Variants in ZCWPW2 observed in about 807,000 individuals in gnomAD.
ZCWPW2 encodes the protein zinc finger CW-type PWWP domain protein 2.
In ZCWPW2, 45 loss-of-function variants were observed where a neutral mutation model predicts 46.6. The ratio of observed to expected loss-of-function variants is 0.96; its 90% CI spans 0.76 to 1.24. The LOEUF (loss-of-function observed/expected upper bound fraction) is 1.24, where lower values mean the gene tolerates loss of function less well. Among genes scored for constraint, ZCWPW2 ranks in the 50% most tolerant of loss-of-function variants. The probability of loss-of-function intolerance (pLI) is 0.00; values close to 1 mark genes in which losing one functional copy is unlikely to be tolerated. For synonymous variants in ZCWPW2, 152 were observed against 137.1 expected, an observed-to-expected ratio of 1.11 and a Z score of -0.76; for missense variants, 429 against 403.9, an observed-to-expected ratio of 1.06 and a Z score of -0.53.
chr3:28,403,606 A>T (rs1316419069), intron 2 of ZCWPW2, among the ~76,000 whole-genome samples: 1 of 152,186 alleles, frequency 6.6e-6, no homozygotes, highest in East Asian at 1.9e-4. Flanking sequence ...AAGCAAAAAG[A>T]ACAAATCTGG....
chr3:28,375,062 C>A (rs917984704), intron 1 of ZCWPW2, among the ~76,000 whole-genome samples: 1 of 151,660 alleles, frequency 6.6e-6, no homozygotes, highest in African/African-American at 2.4e-5. Context: ...GCTGAATTCA[C>A]GCCTTTATCA....
At chr3:28,463,880 A>G (rs1698729394) in intron 4 of ZCWPW2, among the ~76,000 whole-genome samples, 1 of 151,444 alleles carries the variant, frequency 6.6e-6, no homozygotes, top group Non-Finnish European at 1.5e-5. Flanking sequence ...AAAGGAGGGA[A>G]GGAAGGAAGG....
chr3:28,460,027 T>C (rs1163578578), intron 4 of ZCWPW2, among the ~76,000 whole-genome samples: 1 of 152,132 alleles, frequency 6.6e-6, no homozygotes, highest in Non-Finnish European at 1.5e-5. Context: ...ATTTCCTACC[T>C]CCCCAGCCCT....
At chr3:28,367,351 T>C (rs1469921992) in intron 1 of ZCWPW2, among the ~76,000 whole-genome samples, 4 of 152,234 alleles carry the variant, frequency 2.6e-5, no homozygotes, top group African/African-American at 7.2e-5. Flanking sequence ...TGTGTCTTTG[T>C]TCTCGTTTGT....
At chr3:28,398,728 G>A (rs1695803816) in intron 2 of ZCWPW2, among the ~76,000 whole-genome samples, 1 of 152,184 alleles carries the variant, frequency 6.6e-6, no homozygotes, top group Admixed American at 6.5e-5. Context: ...CTGGAGCTGA[G>A]TCCATTTATA....
At chr3:28,392,699 C>A (rs764398679) in intron 2 of ZCWPW2, among the ~76,000 whole-genome samples, 27 of 151,856 alleles carry the variant, frequency 1.8e-4, no homozygotes, top group Non-Finnish European at 1.3e-4. Context: ...AACAACATGT[C>A]CCTGCACAAC....
chr3:28,433,885 C>T (rs1473797987), intron 3 of ZCWPW2, among the ~76,000 whole-genome samples: 1 of 150,384 alleles, frequency 6.6e-6, no homozygotes, highest in African/African-American at 2.4e-5. Flanking sequence ...ATTAACTTGC[C>T]TCAGTAAGTT....
At chr3:28,449,276 C>T (rs2125778030) in intron 4 of ZCWPW2, among the ~76,000 whole-genome samples, 1 of 152,124 alleles carries the variant, frequency 6.6e-6, no homozygotes, top group East Asian at 1.9e-4. Context: ...ACCTAAAATT[C>T]TAAAGTCTTA....
chr3:28,482,549 T>A (rs183403661), intron 5 of ZCWPW2, among the ~76,000 whole-genome samples: 1 of 152,172 alleles, frequency 6.6e-6, no homozygotes, highest in Non-Finnish European at 1.5e-5. Context: ...TGGTGAGATA[T>A]GTTCAAATTT....
intron 5 of ZCWPW2, 74 bp from the exon 6 acceptor site, chr3:28,492,053 T>G: frequency 7.1e-7 from 1 of 1,406,866 alleles, no homozygotes; most frequent in Non-Finnish European, 9.9e-7. Flanking sequence ...AAAATTCTAA[T>G]TGTGTAATTC....
chr3:28,354,531 T>C (rs1223847155), intron 1 of ZCWPW2, among the ~76,000 whole-genome samples: 15 of 134,894 alleles, frequency 1.1e-4, no homozygotes, highest in Non-Finnish European at 2.0e-4. Context: ...GATACCAAAG[T>C]GTGGCAGAGA....
At chr3:28,360,349 C>CAA (rs71087692) in intron 1 of ZCWPW2, among the ~76,000 whole-genome samples, 139 of 53,904 alleles carry the variant, frequency 2.6e-3, no homozygotes, top group East Asian at 2.7e-3. Flanking sequence ...ACTAAAAATA[C>CAA]AAAAAAAAAA....
At position 28,438,344 on chromosome 3, in the gene ZCWPW2, C is replaced by T. The variant is rs552669964; in HGVS notation, c.492+3075C>T. Among the ~76,000 whole-genome samples, 4 of 152,276 alleles carry T rather than the reference C, an allele frequency of 2.6e-5. 1 individual carries two copies. Among genetic ancestry groups the T allele is most frequent in the East Asian group, 1.9e-4 (1 of 5,182 alleles). ...CCACTTTCATTTTTCCATTTTTCCT[C>T]TTGTGAAAGCCAGACATTAAACATA... On this transcript the variant is annotated intron_variant, in intron 4 of 9. Transcript: ENST00000383768.
intron 4 of ZCWPW2, among the ~76,000 whole-genome samples, chr3:28,464,957 AT>A (rs1559515306): frequency 6.6e-6 from 1 of 152,188 alleles, no homozygotes; most frequent in Non-Finnish European, 1.5e-5. Flanking sequence ...TTAAGCTTGA[AT>A]CCTATTTTGA....
intron 2 of ZCWPW2, among the ~76,000 whole-genome samples, chr3:28,412,233 A>G (rs1696429459): frequency 6.6e-6 from 1 of 151,624 alleles, no homozygotes; most frequent in African/African-American, 2.4e-5. Context: ...ATTTATTACT[A>G]TATACTTTTT....
At chr3:28,457,307 T>C (rs1003037187) in intron 4 of ZCWPW2, among the ~76,000 whole-genome samples, 4 of 152,246 alleles carry the variant, frequency 2.6e-5, no homozygotes, top group Admixed American at 2.6e-4. Context: ...GATTCTATCA[T>C]TAAACATAGA....
chr3:28,413,536 C>T, intron 3 of ZCWPW2, 136 bp downstream of exon 3: 1 of 758,980 alleles, frequency 1.3e-6, no homozygotes, highest in Admixed American at 3.3e-5. Flanking sequence ...TTCCATACTT[C>T]TTTGGATTTT....
intron 3 of ZCWPW2, among the ~76,000 whole-genome samples, chr3:28,428,814 C>A (rs1697126999): frequency 1.3e-5 from 2 of 152,176 alleles, no homozygotes; most frequent in Admixed American, 1.3e-4. Context: ...GCACTATTCT[C>A]ACTTCTCTCT....
Position 28,385,624 on chromosome 3 carries a change from G to A in ZCWPW2, c.-133-4874G>A, listed in dbSNP as rs538895294. Among the ~76,000 whole-genome samples the A allele has an allele frequency of 7.2e-5, 11 of 152,306 alleles. No individual in the cohort carries two copies. The South Asian group carries it at 2.1e-3, about 29-fold the overall frequency. On this transcript the variant is annotated intron_variant, in intron 1 of 9. Coordinates refer to ENST00000383768, the MANE Select transcript of ZCWPW2 (RefSeq NM_001040432.4). The stretch of plus-strand genomic sequence containing the variant: ...CTTCTCTGGCATGATAAGGGTTGAA[G>A]GTGACAGTGGCATCCAAACATTGTG...
Sources: allele counts gnomAD v4.1 joint callset (sites outside exome capture counted in the v4.1 genomes callset), GRCh38; gene constraint gnomAD v4.1.1; transcripts MANE v1.5; gene names NCBI Gene and HGNC (gene_info 2026-07-23, HGNC 2026-07-21).